The following REXO1 variants were observed in gnomAD, a reference collection of about 807,000 sequenced individuals.
REXO1 encodes the protein RNA exonuclease 1 homolog.
In REXO1, 42 loss-of-function variants were observed where a neutral mutation model predicts 102.6. The observed-to-expected ratio is 0.41, with a 90% confidence interval of 0.32 to 0.53. The LOEUF is 0.53. Ranked by LOEUF, REXO1 falls within the 20% of genes least tolerant of loss-of-function variation. The probability of loss-of-function intolerance (pLI) is 0.27; values close to 1 mark genes in which losing one functional copy is unlikely to be tolerated. For synonymous variants in REXO1, 908 were observed against 779.1 expected (o/e 1.17, Z -2.76); for missense variants, 1,819 against 1,732.5 (o/e 1.05, Z -0.89).
intron 1 of REXO1, among the ~76,000 whole-genome samples, chr19:1,847,133 G>A (rs2011578611): frequency 6.6e-6 from 1 of 152,238 alleles, no homozygotes; most frequent in Non-Finnish European, 1.5e-5. Context: ...ACGCTGGGCT[G>A]TGGGGAGCTG....
chr19:1,827,594 T>C lies in REXO1; in HGVS notation c.1195A>G (p.Thr399Ala), dbSNP rs2069774138. 6.3e-7 allele frequency: 1 copy of C among 1,589,268 alleles called. No individual in the cohort carries two copies. The highest frequency in any genetic ancestry group is 1.1e-5 in the South Asian group (1 of 87,986). The change falls in exon 2 of 16, where the codon ACC becomes GCC. Residue 399 changes from threonine (T) to alanine (A), a missense_variant. Physicochemically the swap from Thr to Ala is moderately conservative, Grantham distance 58 (BLOSUM62 0). Transcript: ENST00000170168. ...GGCCGCCCTCGGCCCTTGTCCTTGG[T>C]CTTGTCCTTCCCCTGGGCCCCGTCT... ...CKDGAQGKDK[T>A]KDKGRGRPVE... is the part of the protein sequence containing the mutation.
At chr19:1,838,374 T>C (rs1258711424) in intron 1 of REXO1, among the ~76,000 whole-genome samples, 2 of 148,514 alleles carry the variant, frequency 1.3e-5, no homozygotes, top group Non-Finnish European at 3.0e-5. Context: ...ATCCCAGCAC[T>C]TTGGAAAGTC....
chr19:1,830,774 T>A, intron 1 of REXO1: 1 of 205,708 alleles, frequency 4.9e-6, no homozygotes, highest in South Asian at 4.6e-5. Context: ...CCATGCAGCT[T>A]CAACACCACC....
chr19:1,820,175 C>G lies in REXO1; in HGVS notation c.2526+89G>C. The G allele has an allele frequency of 7.7e-6, 12 of 1,560,008 alleles. 1 individual carries two copies. In the South Asian group the frequency reaches 1.4e-4, roughly 19 times the overall value. ...TCTCCCAGGCAGCTCCGGGTCACAG[C>G]TGCGGCTGAGAGGCCGGGGGATGTC... On this transcript the variant is annotated intron_variant, in intron 6 of 15. Coordinates refer to ENST00000170168, the MANE Select transcript of REXO1 (RefSeq NM_020695.4).
At chr19:1,822,215 C>T (rs1272732515) in intron 4 of REXO1, 6 of 244,660 alleles carry the variant, frequency 2.5e-5, no homozygotes, top group African/African-American at 4.5e-5. Context: ...ACTGGGGGCT[C>T]GGCACCGACC....
rs1353756703 is a variant in REXO1 at position 1,821,697 on chromosome 19, G to A, written c.2231-15C>T. The A allele has an allele frequency of 1.2e-6, 2 of 1,604,970 alleles. No individual in the cohort carries two copies. Among genetic ancestry groups the A allele is most frequent in the Non-Finnish European group, 1.7e-6 (2 of 1,177,582 alleles). On this transcript the variant is annotated splice_polypyrimidine_tract_variant and intron_variant, in intron 4 of 15. Transcript: ENST00000170168. ...ACCTGTGGGGGCTGGCGGGGCACAGGGGGTGTGGGCACAGGGCGAGTGGCT... is the reference window on the plus strand; with the variant it reads ...ACCTGTGGGGGCTGGCGGGGCACAGAGGGTGTGGGCACAGGGCGAGTGGCT...
chr19:1,834,713 GCCC>G (rs2069991918), intron 1 of REXO1, among the ~76,000 whole-genome samples: 1 of 152,204 alleles, frequency 6.6e-6, no homozygotes, highest in African/African-American at 2.4e-5. Context: ...TGTGAAACCT[GCCC>G]CAGCCTTTAG....
intron 3 of REXO1, among the ~76,000 whole-genome samples, chr19:1,825,314 A>C (rs2069678475): frequency 7.1e-6 from 1 of 141,488 alleles, no homozygotes; most frequent in Middle Eastern, 3.4e-3. Flanking sequence ...AAAAAAAAAA[A>C]AAAAAAAACA....
rs2069738008 is a variant in REXO1 at position 1,826,825 on chromosome 19, G to A, written c.1911+53C>T. On this transcript the variant is annotated intron_variant, in intron 2 of 15. Coordinates refer to ENST00000170168, the MANE Select transcript of REXO1 (RefSeq NM_020695.4). This position sits in a 1 kb window ranked among gnomAD's most constrained non-coding sequence, Gnocchi z 4.3. ...ACTCCAGATAGAAGGTCTCTCACCA[G>A]GCCCTCGGCTCTGCCTCTGCCCGAG... 22 of 1,538,460 alleles carry A rather than the reference G, an allele frequency of 1.4e-5. No individual in the cohort carries two copies. Among genetic ancestry groups the A allele is most frequent in the Non-Finnish European group, 1.8e-5 (21 of 1,144,236 alleles).
chr19:1,820,258 C>G lies in REXO1; in HGVS notation c.2526+6G>C. Reference sequence around the variant, plus strand: ...GACCGGCCAGATAGGAACTCCAGGACCTCACCTTCTCTATGGCCTCCTGGT... The same window carrying G: ...GACCGGCCAGATAGGAACTCCAGGAGCTCACCTTCTCTATGGCCTCCTGGT... On this transcript the variant is annotated splice_donor_region_variant and intron_variant, in intron 6 of 15. Coordinates refer to ENST00000170168, the MANE Select transcript of REXO1 (RefSeq NM_020695.4). 6.2e-7 allele frequency: 1 copy of G among 1,611,634 alleles called. No homozygotes were observed. Among genetic ancestry groups the G allele is most frequent in the Non-Finnish European group, 8.5e-7 (1 of 1,178,886 alleles).
In REXO1 at chr19:1,828,148, C is replaced by A; in HGVS notation, c.641G>T (p.Arg214Leu). 1.9e-6 allele frequency: 3 copies of A among 1,610,354 alleles called. No individual in the cohort carries two copies. Among genetic ancestry groups the A allele is most frequent in the Non-Finnish European group, 2.5e-6 (3 of 1,179,278 alleles). ...CACGTACTTGCCACTGGGAACGGGG[C>A]GGCTGTGCCGCCGGGGCTGGCTCAC... ...KAVSQPRRHS[R>L]PVPSGKYVVD... The change falls in exon 2 of 16, where the codon CGC (arginine) becomes CTC (leucine). Residue 214 changes from arginine to leucine, a missense_variant. Physicochemically the swap from Arg to Leu is moderately radical, Grantham distance 102. Transcript: ENST00000170168.
At chr19:1,816,661 G>GGGAGGGCTCCCAGCTCGT in intron 13 of REXO1, 37 bp downstream of exon 13, 2 of 1,606,334 alleles carry the variant, frequency 1.2e-6, no homozygotes, top group South Asian at 1.1e-5. Flanking sequence ...AGAGGCGGCT[G>GGGAGGGCTCCCAGCTCGT]GGAGGGCTCC....
At chr19:1,845,630 C>T (rs200460068) in intron 1 of REXO1, among the ~76,000 whole-genome samples, 11 of 152,202 alleles carry the variant, frequency 7.2e-5, no homozygotes, top group Admixed American at 5.9e-4. Context: ...CACCACTGCA[C>T]TCCAGCCTGG....
chr19:1,820,436 C>A (rs1182258655), intron 5 of REXO1, 41 bp from the exon 6 acceptor site: 1 of 1,607,678 alleles, frequency 6.2e-7, no homozygotes, highest in South Asian at 1.1e-5. Context: ...AGGGCCTCCA[C>A]AAGGCCTCCA....
Position 1,822,102 on chromosome 19 carries a change from ACCAGAGGGAGGAGG to A in REXO1, c.2231-434_2231-421del, listed in dbSNP as rs869283734. ...GCCTTGCCCTTTGATGAAGTCACAA[ACCAGAGGGAGGAGG>A]CCAGGCCTGCAGGGGCTGCTTCGGA... On this transcript the variant is annotated intron_variant, in intron 4 of 15. Coordinates refer to ENST00000170168, the MANE Select transcript of REXO1 (RefSeq NM_020695.4). 2.8e-4 allele frequency: 118 copies of A among 415,400 alleles called. No homozygotes were observed. In the East Asian group the frequency reaches 4.4e-3, roughly 16 times the overall value. The allele number at this position is 415,400 out of a possible 1,614,324, so 25.7% of individuals were successfully genotyped here. A position where few individuals can be genotyped will look rare whatever the true frequency, so the allele number is the denominator to read the frequency against.
chr19:1,831,845 C>CAAAAAA (rs745676775), intron 1 of REXO1, among the ~76,000 whole-genome samples: 2 of 51,312 alleles, frequency 3.9e-5, no homozygotes, highest in Non-Finnish European at 8.2e-5. Flanking sequence ...AACTCCATCT[C>CAAAAAA]AAAAAAAAAA....
rs2069337401 is a variant in REXO1, at chr19:1,815,642, A to C, written c.*424T>G. ...GCAAGTCATCAGGTTTAAATTAAAA[A>C]TAATAAAAATAACAATACAAAATAA... On this transcript the variant is annotated 3_prime_UTR_variant, in exon 16 of 16. Coordinates refer to ENST00000170168, the MANE Select transcript of REXO1 (RefSeq NM_020695.4). The surrounding 1 kb of genome is among the most constrained non-coding windows in gnomAD (Gnocchi z 4.0). 2.6e-6 allele frequency: 3 copies of C among 1,165,732 alleles called. No homozygotes were observed. Among genetic ancestry groups the C allele is most frequent in the Admixed American group, 3.8e-5 (1 of 26,650 alleles). The allele number at this position is 1,165,732 out of a possible 1,614,324, so 72.2% of individuals were successfully genotyped here. A position where few individuals can be genotyped will look rare whatever the true frequency, so the allele number is the denominator to read the frequency against.
At chr19:1,846,876 G>C (rs574578142) in intron 1 of REXO1, among the ~76,000 whole-genome samples, 1 of 152,218 alleles carries the variant, frequency 6.6e-6, no homozygotes, top group Non-Finnish European at 1.5e-5. Context: ...CTGGACTATA[G>C]AGTGAGACCC....
rs1470083726 is a variant in REXO1 at position 1,817,216 on chromosome 19, C to T, written c.3201+3G>A. 1.2e-6 allele frequency: 2 copies of T among 1,612,112 alleles called. No individual in the cohort carries two copies. The highest frequency in any genetic ancestry group is 3.3e-5 in the Admixed American group (2 of 59,992). The stretch of plus-strand genomic sequence containing the variant: ...CCCGACGCTGGGCAGAGAACAGCCT[C>T]ACCATCTCGCAGTCCAGGGCGTAGA... On this transcript the variant is annotated splice_donor_region_variant and intron_variant, in intron 12 of 15. Coordinates refer to ENST00000170168, the MANE Select transcript of REXO1 (RefSeq NM_020695.4).
Sources: gnomAD v4.1 joint callset for allele counts (sites outside exome capture counted in the v4.1 genomes callset) on GRCh38, gnomAD v4.1.1 for gene constraint, Gnocchi (gnomAD v3.1) non-coding constraint, MANE v1.5 for transcripts, NCBI Gene and HGNC (gene_info 2026-07-23, HGNC 2026-07-21) for gene names.